Variants in KALRN observed in about 807,000 individuals in gnomAD.
KALRN encodes kalirin RhoGEF kinase.
Under a neutral mutation model 353.7 loss-of-function variants are expected in KALRN, and 70 were observed. That is an observed-to-expected ratio of 0.20 (90% CI 0.16 to 0.24). The LOEUF is 0.24. Ranked by LOEUF, KALRN falls within the 10% of genes least tolerant of loss-of-function variation. The pLI, the probability that KALRN is intolerant of heterozygous loss-of-function variation, is 1.00. For synonymous variants in KALRN, 1,391 were observed against 1,434.8 expected (o/e 0.97, Z 0.69); for missense variants, 2,791 against 3,756.7 (o/e 0.74, Z 6.72).
rs565675087 is a variant in KALRN at position 124,724,369 on chromosome 3, C to T, written c.*4899C>T. ...CGAGGAATGTAGACCTTCTTCCTTT[C>T]TCTCCTGGGTCGCACCTCTGTGGAG... is the stretch of plus-strand genomic sequence containing the variant. On this transcript the variant is annotated 3_prime_UTR_variant, in exon 60 of 60. Coordinates refer to ENST00000682506, the MANE Select transcript of KALRN (RefSeq NM_001388419.1). 2 of 152,228 alleles carry T rather than the reference C, an allele frequency of 1.3e-5. No individual in the cohort carries two copies. The highest frequency in any genetic ancestry group is 4.8e-5 in the African/African-American group (2 of 41,560). The allele number at this position is 152,228 out of a possible 1,614,324, so 9.4% of individuals were successfully genotyped here. A position where few individuals can be genotyped will look rare whatever the true frequency, so the allele number is the denominator to read the frequency against.
Position 124,669,880 on chromosome 3 carries a change from T to C in KALRN, c.6704-1780T>C, listed in dbSNP as rs571307271. 2.0e-5 allele frequency among the ~76,000 whole-genome samples: 3 copies of C among 152,220 alleles called. No homozygotes were observed. The East Asian group carries it at 5.8e-4, about 29-fold the overall frequency. ...TGCTATGTAAATGATTGTTATACTA[T>C]ATTGTTTATGGAATGACAAGAAAAA... On this transcript the variant is annotated intron_variant, in intron 47 of 59. Coordinates refer to ENST00000682506, the MANE Select transcript of KALRN (RefSeq NM_001388419.1).
At chr3:124,668,733 AC>A (rs1054885010) in intron 47 of KALRN, among the ~76,000 whole-genome samples, 1 of 152,234 alleles carries the variant, frequency 6.6e-6, no homozygotes, top group Non-Finnish European at 1.5e-5. Flanking sequence ...AAAATTAAAC[AC>A]CAGCCCAGCC....
intron 34 of KALRN, among the ~76,000 whole-genome samples, chr3:124,577,480 G>C (rs2074226304): frequency 1.3e-5 from 2 of 152,052 alleles, no homozygotes; most frequent in Admixed American, 1.3e-4. Context: ...AGAAGGAGAA[G>C]AGATTACTAT....
intron 33 of KALRN, chr3:124,518,846 A>G (rs1439097970): frequency 1.9e-6 from 2 of 1,071,202 alleles, no homozygotes. Context: ...GAGGTTAATT[A>G]GAGGGACACA....
At chr3:124,277,884 G>A (rs2074922015) in intron 5 of KALRN, among the ~76,000 whole-genome samples, 1 of 152,218 alleles carries the variant, frequency 6.6e-6, no homozygotes, top group Admixed American at 6.5e-5. Flanking sequence ...CTTTGGAACT[G>A]AGAACTAAGA....
intron 5 of KALRN, among the ~76,000 whole-genome samples, chr3:124,272,617 G>A (rs2074283833): frequency 6.6e-6 from 1 of 152,030 alleles, no homozygotes; most frequent in African/African-American, 2.4e-5. Context: ...GGGAGAGAGG[G>A]AGAGAATATT....
Position 124,434,405 on chromosome 3 carries a change from C to G in KALRN, c.2928C>G (p.Ala976=). The G allele has an allele frequency of 6.2e-7, 1 of 1,614,166 alleles. No homozygotes were observed. Among genetic ancestry groups the G allele is most frequent in the Non-Finnish European group, 8.5e-7 (1 of 1,180,018 alleles). ...EVLLQAGHYD[A]DAIRECAEKV... is the part of the protein sequence containing the mutation. ...TGCTCCAGGCCGGCCACTACGATGCCGATGCCATCCGGGAATGTGCTGAGA... is the reference window on the plus strand; with the variant it reads ...TGCTCCAGGCCGGCCACTACGATGCGGATGCCATCCGGGAATGTGCTGAGA... Residue 976 remains alanine (A), a synonymous_variant, in exon 17 of 60, where the codon GCC becomes GCG. Coordinates refer to ENST00000682506, the MANE Select transcript of KALRN (RefSeq NM_001388419.1).
At chr3:124,529,847 C>G (rs1232602472) in intron 33 of KALRN, among the ~76,000 whole-genome samples, 1 of 149,352 alleles carries the variant, frequency 6.7e-6, no homozygotes, top group Non-Finnish European at 1.5e-5. Flanking sequence ...ATAAATCCAA[C>G]AGGGCACATG....
chr3:124,119,304 A>G (rs912937238), intron 1 of KALRN, among the ~76,000 whole-genome samples: 1 of 152,208 alleles, frequency 6.6e-6, no homozygotes, highest in Non-Finnish European at 1.5e-5. Context: ...ACTGTTCCCA[A>G]TGTCTTCACA....
At chr3:124,475,463 C>T (rs577449835) in intron 26 of KALRN, among the ~76,000 whole-genome samples, 1 of 152,290 alleles carries the variant, frequency 6.6e-6, no homozygotes, top group South Asian at 2.1e-4. Flanking sequence ...TGAATGCAAA[C>T]ATCTCCAGGG....
intron 17 of KALRN, among the ~76,000 whole-genome samples, chr3:124,435,692 G>A (rs1247817987): frequency 6.6e-6 from 1 of 152,150 alleles, no homozygotes; most frequent in African/African-American, 2.4e-5. Context: ...AGTCCTTTCT[G>A]TTGCTTCAGA....
rs112543955 is a variant in KALRN at position 124,218,136 on chromosome 3, G to A, written c.74-9854G>A. 2.0e-3 allele frequency among the ~76,000 whole-genome samples: 307 copies of A among 152,268 alleles called. 1 individual carries two copies. The highest frequency in any genetic ancestry group is 7.1e-3 in the African/African-American group (296 of 41,564). Reference sequence around the variant, plus strand: ...ATATGGGGGTTGGAGAGGTGGTTGAGGGGAGAAGCATCCAAGAGGTGCTGG... The same window carrying A: ...ATATGGGGGTTGGAGAGGTGGTTGAAGGGAGAAGCATCCAAGAGGTGCTGG... On this transcript the variant is annotated intron_variant, in intron 1 of 59. Coordinates refer to ENST00000682506, the MANE Select transcript of KALRN (RefSeq NM_001388419.1).
At chr3:124,098,398 G>T (rs2061598803) in intron 1 of KALRN, among the ~76,000 whole-genome samples, 1 of 152,042 alleles carries the variant, frequency 6.6e-6, no homozygotes, top group South Asian at 2.1e-4. Flanking sequence ...TCCTACCTCT[G>T]GTCTCCCTCT....
chr3:124,080,695 C>G (rs2060497231), intron 1 of KALRN, among the ~76,000 whole-genome samples: 1 of 152,142 alleles, frequency 6.6e-6, no homozygotes, highest in Non-Finnish European at 1.5e-5. Flanking sequence ...AGGGTAGATA[C>G]AAAAGACTGG....
At chr3:124,380,586 C>T (rs1045452558) in intron 10 of KALRN, among the ~76,000 whole-genome samples, 2 of 152,140 alleles carry the variant, frequency 1.3e-5, no homozygotes, top group African/African-American at 4.8e-5. Context: ...GGGTCAAGTC[C>T]AAGGCAGAGA....
intron 52 of KALRN, 21 bp downstream of exon 52, chr3:124,693,852 A>T: frequency 6.5e-7 from 1 of 1,535,428 alleles, no homozygotes; most frequent in African/African-American, 1.4e-5. Flanking sequence ...AAGCATTAGA[A>T]TTGGAAACAT....
chr3:124,678,100 C>T, intron 49 of KALRN, 90 bp from the exon 50 acceptor site: 2 of 1,413,908 alleles, frequency 1.4e-6, no homozygotes, highest in Non-Finnish European at 2.0e-6. Context: ...GAGCACCTCA[C>T]CTGCTGACTC....
At chr3:124,254,814 G>C (rs1329034882) in intron 3 of KALRN, among the ~76,000 whole-genome samples, 1 of 152,152 alleles carries the variant, frequency 6.6e-6, no homozygotes, top group Non-Finnish European at 1.5e-5. Flanking sequence ...TGTAGCTGCT[G>C]GTCTCCTGCT....
intron 9 of KALRN, among the ~76,000 whole-genome samples, chr3:124,344,692 T>C (rs981332659): frequency 2.0e-5 from 3 of 152,212 alleles, no homozygotes; most frequent in Non-Finnish European, 4.4e-5. Flanking sequence ...CCCTACAGCT[T>C]CAATTTTAAT....
Sources: allele counts gnomAD v4.1 joint callset (sites outside exome capture counted in the v4.1 genomes callset), GRCh38; gene constraint gnomAD v4.1.1; transcripts MANE v1.5; gene names NCBI Gene and HGNC (gene_info 2026-07-23, HGNC 2026-07-21).